The following GPC6 variants were observed in gnomAD, a reference collection of about 807,000 sequenced individuals.
GPC6 encodes glypican 6, also known as glypican-6.
GPC6 carries 14 observed loss-of-function variants against 55.2 expected under a neutral mutation model. The observed-to-expected ratio is 0.25, with a 90% CI of 0.17 to 0.40. The LOEUF is 0.40. Among genes scored for constraint, GPC6 ranks in the 10% least tolerant of loss-of-function variants. The pLI is 1.00. For missense variants in GPC6, 641 were observed against 708.5 expected, an observed-to-expected ratio of 0.90 and a Z score of 1.08; for synonymous variants, 278 against 259.6, an observed-to-expected ratio of 1.07 and a Z score of -0.68.
At chr13:93,608,967 A>G (rs916411049) in intron 2 of GPC6, among the ~76,000 whole-genome samples, 1 of 152,166 alleles carries the variant, frequency 6.6e-6, no homozygotes, top group East Asian at 1.9e-4. Context: ...ATAAGATGCT[A>G]TGGTCTATGT....
intron 8 of GPC6, 48 bp from the exon 9 acceptor site, chr13:94,402,967 C>G (rs1038772830): frequency 1.5e-6 from 2 of 1,348,242 alleles, no homozygotes; most frequent in Non-Finnish European, 2.1e-6. Flanking sequence ...GCCACAAAGC[C>G]TAAACATATC....
At chr13:93,363,348 T>C (rs1881119559) in intron 1 of GPC6, among the ~76,000 whole-genome samples, 1 of 149,314 alleles carries the variant, frequency 6.7e-6, no homozygotes, top group Non-Finnish European at 1.5e-5. Context: ...TGTGTTCTCA[T>C]TGTTCAATTC....
In GPC6 at chr13:94,350,047, T is replaced by A. The variant is rs115769690; in HGVS notation, c.1153-32367T>A. On this transcript the variant is annotated intron_variant, in intron 6 of 8. Transcript: ENST00000377047. Reference sequence around the variant, plus strand: ...TCTCGGAAGATGTGCAAAGAAAAAATATATATATATACATATATATATATC... The same window carrying A: ...TCTCGGAAGATGTGCAAAGAAAAAAAATATATATATACATATATATATATC... Among the ~76,000 whole-genome samples, 979 of 151,624 alleles carry A rather than the reference T, an allele frequency of 6.5e-3. 11 individuals are homozygous for A. The highest frequency in any genetic ancestry group is 0.021 in the African/African-American group (887 of 41,340).
Position 93,479,608 on chromosome 13 carries a change from A to ACCCC in GPC6, c.161-65649_161-65646dup, listed in dbSNP as rs35932826. Among the ~76,000 whole-genome samples, 753 of 141,000 alleles carry ACCCC rather than the reference A, an allele frequency of 5.3e-3. 9 individuals carry two copies. Among genetic ancestry groups the ACCCC allele is most frequent in the African/African-American group, 0.017 (672 of 38,792 alleles). 92.5% of individuals were successfully genotyped at this position (141,000 alleles called of 152,430 possible). A position where few individuals can be genotyped will look rare whatever the true frequency, so the allele number is the denominator to read the frequency against. On this transcript the variant is annotated intron_variant, in intron 1 of 8. Coordinates refer to ENST00000377047, the MANE Select transcript of GPC6 (RefSeq NM_005708.5). The stretch of plus-strand genomic sequence containing the variant: ...AGACCAGCCCAGCCAACGTGGTGAG[A>ACCCC]CCCCCCCCCATCTCTACTAAAAATA...
At chr13:93,449,070 A>T (rs11843793) in intron 1 of GPC6, among the ~76,000 whole-genome samples, 32,816 of 152,204 alleles carry the variant, frequency 0.22, 3,670 homozygotes, top group Middle Eastern at 0.29. Flanking sequence ...TGAGCCAAAT[A>T]CCCATGACTG....
Position 94,384,902 on chromosome 13 carries a change from A to G in GPC6, c.1289+2352A>G, listed in dbSNP as rs1472091874. 2.0e-5 allele frequency among the ~76,000 whole-genome samples: 3 copies of G among 152,276 alleles called. No homozygotes were observed. The East Asian group carries it at 5.8e-4, about 29-fold the overall frequency. ...TTCAGTGGTTCTACAGCATTCATTGAGTCAGTCCACCAGTCCATCAGCAGT... is the reference window on the plus strand; with the variant it reads ...TTCAGTGGTTCTACAGCATTCATTGGGTCAGTCCACCAGTCCATCAGCAGT... On this transcript the variant is annotated intron_variant, in intron 7 of 8. Coordinates refer to ENST00000377047, the MANE Select transcript of GPC6 (RefSeq NM_005708.5).
At chr13:94,208,802 C>T (rs1889984221) in intron 4 of GPC6, among the ~76,000 whole-genome samples, 1 of 150,524 alleles carries the variant, frequency 6.6e-6, no homozygotes, top group African/African-American at 2.4e-5. Context: ...GGTGATGCTC[C>T]CAGCTACTCG....
At chr13:93,985,262 C>T (rs953502754) in intron 3 of GPC6, among the ~76,000 whole-genome samples, 1 of 152,028 alleles carries the variant, frequency 6.6e-6, no homozygotes, top group Non-Finnish European at 1.5e-5. Flanking sequence ...CATGGTGAAA[C>T]CCCGTCTCTA....
intron 2 of GPC6, among the ~76,000 whole-genome samples, chr13:93,663,517 T>C (rs1214486035): frequency 6.6e-6 from 1 of 152,226 alleles, no homozygotes; most frequent in Non-Finnish European, 1.5e-5. Flanking sequence ...TAGATATATC[T>C]GCCTCTAAGA....
intron 1 of GPC6, among the ~76,000 whole-genome samples, chr13:93,277,092 G>C (rs997887528): frequency 2.0e-5 from 3 of 152,078 alleles, no homozygotes; most frequent in Non-Finnish European, 4.4e-5. Context: ...TTGTCTCCCT[G>C]TTACATTTCC....
At chr13:93,793,832 A>G (rs1443548953) in intron 2 of GPC6, among the ~76,000 whole-genome samples, 1 of 152,192 alleles carries the variant, frequency 6.6e-6, no homozygotes, top group Non-Finnish European at 1.5e-5. Context: ...TGTGATATGA[A>G]TCCACAGTTT....
At chr13:94,056,570 A>G (rs566431739) in intron 4 of GPC6, among the ~76,000 whole-genome samples, 1 of 152,296 alleles carries the variant, frequency 6.6e-6, no homozygotes, top group South Asian at 2.1e-4. Flanking sequence ...ACTGGGAGCT[A>G]GAGAATGAAG....
intron 1 of GPC6, among the ~76,000 whole-genome samples, chr13:93,239,307 T>C (rs1876350822): frequency 6.6e-6 from 1 of 152,002 alleles, no homozygotes; most frequent in Non-Finnish European, 1.5e-5. Context: ...TGATTCAAGC[T>C]TGGGGTTTTG....
chr13:93,811,520 G>A (rs1181700425), intron 2 of GPC6, among the ~76,000 whole-genome samples: 1 of 152,052 alleles, frequency 6.6e-6, no homozygotes, highest in Middle Eastern at 3.2e-3. Flanking sequence ...CTTAGATTTG[G>A]TCAGTAAATA....
In GPC6 at chr13:94,197,786, G is replaced by A. The variant is rs964620646; in HGVS notation, c.878-88563G>A. 6.3e-4 allele frequency among the ~76,000 whole-genome samples: 96 copies of A among 152,140 alleles called. 1 individual carries two copies. The Middle Eastern group carries it at 0.017, about 27-fold the overall frequency. ...ACTATTATGCATCTAGTCTGTAAAT[G>A]TTTTTCTGTCACCCACAACAAATAT... is the stretch of plus-strand genomic sequence containing the variant. On this transcript the variant is annotated intron_variant, in intron 4 of 8. Transcript: ENST00000377047.
intron 4 of GPC6, among the ~76,000 whole-genome samples, chr13:94,141,003 A>T (rs1022122710): frequency 4.6e-5 from 7 of 152,134 alleles, no homozygotes; most frequent in African/African-American, 1.7e-4. Flanking sequence ...AAAAACAAAC[A>T]AACAAAAGAC....
intron 2 of GPC6, among the ~76,000 whole-genome samples, chr13:93,720,963 A>G (rs1196435585): frequency 1.3e-5 from 2 of 151,990 alleles, no homozygotes; most frequent in African/African-American, 4.8e-5. Flanking sequence ...GCATTTGCTG[A>G]GGAGTGTTTT....
chr13:93,975,265 A>C (rs555959798), intron 3 of GPC6, among the ~76,000 whole-genome samples: 3 of 152,170 alleles, frequency 2.0e-5, no homozygotes, highest in African/African-American at 7.2e-5. Flanking sequence ...AATTATGTTA[A>C]ACTCTTGCCA....
chr13:93,795,631 C>T (rs3015339), intron 2 of GPC6, among the ~76,000 whole-genome samples: 150,747 of 152,334 alleles, frequency 0.99, 74,590 homozygotes, highest in East Asian at 1. Flanking sequence ...TGCCAAGACA[C>T]TTATAAATAA....
Sources: gnomAD v4.1 joint callset for allele counts (sites outside exome capture counted in the v4.1 genomes callset) on GRCh38, gnomAD v4.1.1 for gene constraint, MANE v1.5 for transcripts, NCBI Gene and HGNC (gene_info 2026-07-23, HGNC 2026-07-21) for gene names.